Variants in ADGRL2 observed in about 807,000 individuals in gnomAD.
ADGRL2 encodes adhesion G protein-coupled receptor L2.
Under a neutral mutation model 157.4 loss-of-function variants are expected in ADGRL2, and 44 were observed. The observed-to-expected ratio is 0.28, with a 90% CI of 0.22 to 0.36. ADGRL2 has a LOEUF of 0.36. ADGRL2 is among the 10% of genes least tolerant of loss of function. The probability of loss-of-function intolerance (pLI) is 1.00; values close to 1 mark genes in which losing one functional copy is unlikely to be tolerated. For missense variants in ADGRL2, 1,510 were observed against 1,768.9 expected (o/e 0.85, Z 2.63); for synonymous variants, 585 against 624.7 (o/e 0.94, Z 0.95).
chr1:81,387,251 CTGCACCAAACCT>C (rs2076454575), intron 1 of ADGRL2, among the ~76,000 whole-genome samples: 1 of 152,110 alleles, frequency 6.6e-6, no homozygotes, highest in South Asian at 2.1e-4. Context: ...TTTTTGGACT[CTGCACCAAACCT>C]TGCAGGATAT....
chr1:81,483,239 C>T (rs4636515), intron 2 of ADGRL2, among the ~76,000 whole-genome samples: 127,664 of 152,150 alleles, frequency 0.84, 55,442 homozygotes, highest in East Asian at 1. Flanking sequence ...AGTTTTAGAG[C>T]GACAAGTGCC....
At chr1:81,329,620 T>C (rs1177128678) in intron 1 of ADGRL2, among the ~76,000 whole-genome samples, 2 of 152,178 alleles carry the variant, frequency 1.3e-5, no homozygotes, top group Non-Finnish European at 2.9e-5. Context: ...AGCAGCATCA[T>C]ACTTTAGAAA....
In ADGRL2 at chr1:81,935,701, G is replaced by A. The variant is rs143378993; in HGVS notation, c.288-1027G>A. On this transcript the variant is annotated intron_variant, in intron 3 of 23. Transcript: ENST00000686636. ...CTTGATTTGCCTTCTTAATGTATGT[G>A]CTATCAGAAAATACAATAAAAACCC... is the stretch of plus-strand genomic sequence containing the variant. Among the ~76,000 whole-genome samples, 19 of 151,860 alleles carry A rather than the reference G, an allele frequency of 1.3e-4. 1 individual carries two copies. In the East Asian group the frequency reaches 3.7e-3, roughly 29 times the overall value.
intron 1 of ADGRL2, among the ~76,000 whole-genome samples, chr1:81,366,783 A>AT (rs148278510): frequency 0.015 from 2,263 of 152,180 alleles, 56 homozygotes; most frequent in African/African-American, 0.052. Flanking sequence ...CAGGTCTGTG[A>AT]TTTTTGAAAA....
intron 1 of ADGRL2, chr1:81,722,515 A>G (rs963025051): frequency 3.9e-6 from 6 of 1,558,022 alleles, no homozygotes; most frequent in Non-Finnish European, 5.2e-6. Flanking sequence ...ACTGTGACAG[A>G]GCCATGAAAT....
chr1:81,530,436 TC>T (rs34535846), intron 2 of ADGRL2, among the ~76,000 whole-genome samples: 113,555 of 151,352 alleles, frequency 0.75, 43,127 homozygotes, highest in East Asian at 0.9. Context: ...AACCTCCACC[TC>T]CCTGGGCTCA....
rs111889360 is a variant in ADGRL2 at position 81,370,145 on chromosome 1, C to CA, written c.-302+63645dup. Among the ~76,000 whole-genome samples the CA allele has an allele frequency of 1.2e-3, 183 of 149,046 alleles. 6 individuals are homozygous for CA. In the South Asian group the frequency reaches 0.035, roughly 29 times the overall value. Reference sequence around the variant, plus strand: ...TTTGGAGGGGAACTGCCAGAAAAAACAAAAAAAAAGGCTCTAACTTAATAA... The same window carrying CA: ...TTTGGAGGGGAACTGCCAGAAAAAACAAAAAAAAAAGGCTCTAACTTAATAA... On this transcript the variant is annotated intron_variant, in intron 1 of 24. Coordinates refer to the ADGRL2 transcript ENST00000370721.
chr1:81,914,235 T>C (rs2094803090), intron 3 of ADGRL2, among the ~76,000 whole-genome samples: 1 of 152,162 alleles, frequency 6.6e-6, no homozygotes, highest in African/African-American at 2.4e-5. Flanking sequence ...CAGAGCTATA[T>C]GAAAGATATT....
chr1:81,494,881 T>C (rs900443474), intron 2 of ADGRL2, among the ~76,000 whole-genome samples: 2 of 152,144 alleles, frequency 1.3e-5, no homozygotes, highest in African/African-American at 2.4e-5. Context: ...TACATTACCA[T>C]ATTATACTTA....
intron 1 of ADGRL2, among the ~76,000 whole-genome samples, chr1:81,804,901 A>G (rs1013706852): frequency 2.6e-5 from 4 of 152,312 alleles, no homozygotes; most frequent in African/African-American, 9.6e-5. Flanking sequence ...ACTGTTTTTT[A>G]TGTGCTAAAT....
At chr1:81,892,909 T>C (rs2094300067) in intron 2 of ADGRL2, among the ~76,000 whole-genome samples, 1 of 152,188 alleles carries the variant, frequency 6.6e-6, no homozygotes, top group African/African-American at 2.4e-5. Flanking sequence ...CAGATTTGAA[T>C]TCCATTTGTA....
At chr1:81,600,715 A>G (rs886414399) in intron 3 of ADGRL2, among the ~76,000 whole-genome samples, 2 of 152,234 alleles carry the variant, frequency 1.3e-5, no homozygotes, top group Non-Finnish European at 1.5e-5. Flanking sequence ...TCAGAGTGGA[A>G]TAAAATATAT....
In ADGRL2 at chr1:81,964,077, T is replaced by C. The variant is rs369433867; in HGVS notation, c.2018-1981T>C. Among the ~76,000 whole-genome samples, 14 of 152,088 alleles carry C rather than the reference T, an allele frequency of 9.2e-5. No homozygotes were observed. In the East Asian group the frequency reaches 9.7e-4, roughly 10 times the overall value. On this transcript the variant is annotated intron_variant, in intron 11 of 23. Transcript: ENST00000686636. ...TTCTTATGGAAATATCTTAAGTAGC[T>C]TGAAATATCTACTGAGAGCTGTAGT...
chr1:81,741,332 G>T (rs989202248), intron 1 of ADGRL2, among the ~76,000 whole-genome samples: 2 of 151,940 alleles, frequency 1.3e-5, no homozygotes, highest in African/African-American at 4.8e-5. Context: ...CTACTGGGCA[G>T]TATATTTTAC....
At chr1:81,413,333 T>C (rs1186096837) in intron 1 of ADGRL2, among the ~76,000 whole-genome samples, 1 of 152,194 alleles carries the variant, frequency 6.6e-6, no homozygotes, top group Non-Finnish European at 1.5e-5. Context: ...ATTTCCAATA[T>C]TGTAATAAAT....
chr1:81,949,056 CAT>C (rs1301806971), intron 6 of ADGRL2, among the ~76,000 whole-genome samples: 5 of 152,148 alleles, frequency 3.3e-5, no homozygotes, highest in Non-Finnish European at 7.3e-5. Flanking sequence ...CTTATTATCT[CAT>C]GTGTAGATAA....
intron 1 of ADGRL2, among the ~76,000 whole-genome samples, chr1:81,811,060 A>G (rs1485833583): frequency 2.6e-5 from 4 of 151,824 alleles, no homozygotes; most frequent in Non-Finnish European, 5.9e-5. Context: ...ATGACTTTTC[A>G]TATTGTTACG....
intron 1 of ADGRL2, among the ~76,000 whole-genome samples, chr1:81,437,991 G>A (rs781351774): frequency 1.1e-4 from 16 of 151,366 alleles, no homozygotes; most frequent in Non-Finnish European, 1.9e-4. Flanking sequence ...ATTGCATAGC[G>A]TTGCCTCCCA....
chr1:81,309,433 T>C (rs972297480), intron 1 of ADGRL2, among the ~76,000 whole-genome samples: 4 of 152,160 alleles, frequency 2.6e-5, no homozygotes, highest in African/African-American at 9.7e-5. Context: ...GGGACAGAAC[T>C]GGGATGTGAA....
Sources: gnomAD v4.1 joint callset for allele counts (sites outside exome capture counted in the v4.1 genomes callset) on GRCh38, gnomAD v4.1.1 for gene constraint, MANE v1.5 for transcripts, NCBI Gene and HGNC (gene_info 2026-07-23, HGNC 2026-07-21) for gene names.